The following KHDRBS2 variants were observed in gnomAD, a reference collection of about 807,000 sequenced individuals.
KHDRBS2 encodes the protein KH domain-containing, RNA-binding, signal transduction-associated protein 2.
In KHDRBS2, 26 loss-of-function variants were observed where a neutral mutation model predicts 44.3. The ratio of observed to expected loss-of-function variants is 0.59; its 90% CI spans 0.43 to 0.81. The LOEUF (loss-of-function observed/expected upper bound fraction) is 0.81. Among genes scored for constraint, KHDRBS2 ranks in the 40% least tolerant of loss-of-function variants. The pLI, the probability that KHDRBS2 is intolerant of heterozygous loss-of-function variation, is 0.00. For missense variants in KHDRBS2, 476 were observed against 433.1 expected, an observed-to-expected ratio of 1.10 and a Z score of -0.88; for synonymous variants, 194 against 151.1, an observed-to-expected ratio of 1.28 and a Z score of -2.08.
intron 6 of KHDRBS2, among the ~76,000 whole-genome samples, chr6:61,872,964 G>A (rs1447831437): frequency 1.3e-5 from 2 of 152,010 alleles, no homozygotes; most frequent in Non-Finnish European, 2.9e-5. Flanking sequence ...TGATAAAACT[G>A]GTTATCCATG....
intron 2 of KHDRBS2, among the ~76,000 whole-genome samples, chr6:62,164,110 G>T (rs1238027430): frequency 6.6e-6 from 1 of 151,424 alleles, no homozygotes; most frequent in Non-Finnish European, 1.5e-5. Context: ...TCATGTCTGG[G>T]GTTAAATTTT....
chr6:61,725,053 A>G (rs1405453126), intron 7 of KHDRBS2, among the ~76,000 whole-genome samples: 1 of 152,154 alleles, frequency 6.6e-6, no homozygotes, highest in East Asian at 1.9e-4. Context: ...TTGAGCACAT[A>G]ATCAAGTAAA....
chr6:61,755,792 T>G (rs1355179006), intron 6 of KHDRBS2, among the ~76,000 whole-genome samples: 1 of 135,714 alleles, frequency 7.4e-6, no homozygotes, highest in Non-Finnish European at 1.6e-5. Flanking sequence ...AGGGCAAGAC[T>G]CTGTCTCAAA....
intron 4 of KHDRBS2, among the ~76,000 whole-genome samples, chr6:61,970,501 C>T (rs1283601583): frequency 2.6e-5 from 4 of 152,058 alleles, no homozygotes; most frequent in African/African-American, 9.7e-5. Context: ...AGAAAGCTCA[C>T]ATGCAACACT....
At chr6:62,212,015 A>G (rs1054429653) in intron 1 of KHDRBS2, among the ~76,000 whole-genome samples, 1 of 152,188 alleles carries the variant, frequency 6.6e-6, no homozygotes, top group African/African-American at 2.4e-5. Flanking sequence ...AGGTACATGG[A>G]TGGAGCTGGA....
chr6:62,112,690 C>A (rs547781034), intron 2 of KHDRBS2, among the ~76,000 whole-genome samples: 4 of 152,166 alleles, frequency 2.6e-5, no homozygotes, highest in East Asian at 1.9e-4. Context: ...TATTTGGTAA[C>A]CTTCCTCTGA....
chr6:61,568,650 C>T, the KHDRBS2 span, among the ~76,000 whole-genome samples: 1 of 152,108 alleles, frequency 6.6e-6, no homozygotes, highest in Non-Finnish European at 1.5e-5. Context: ...ATCTGAAAAT[C>T]CACATCACAG....
At chr6:61,917,967 A>AAT (rs1807328828) in intron 4 of KHDRBS2, among the ~76,000 whole-genome samples, 1 of 151,998 alleles carries the variant, frequency 6.6e-6, no homozygotes. Flanking sequence ...GAAGATATTG[A>AAT]AGGCTCCTCC....
intron 2 of KHDRBS2, among the ~76,000 whole-genome samples, chr6:62,082,223 A>G (rs952288263): frequency 2.0e-5 from 3 of 152,064 alleles, no homozygotes; most frequent in Non-Finnish European, 2.9e-5. Context: ...AGGAAACAAA[A>G]TGATTAAAGA....
the KHDRBS2 span, among the ~76,000 whole-genome samples, chr6:61,671,607 G>A: frequency 6.6e-6 from 1 of 151,480 alleles, no homozygotes; most frequent in Non-Finnish European, 1.5e-5. Flanking sequence ...TGATGGATTT[G>A]GAAAACTGGT....
At chr6:61,631,424 G>C in the KHDRBS2 span, among the ~76,000 whole-genome samples, 1 of 151,974 alleles carries the variant, frequency 6.6e-6, no homozygotes, top group East Asian at 1.9e-4. Context: ...AGGAGCAAGG[G>C]GGAAGGGTTA....
At chr6:61,733,221 A>C (rs891042887) in intron 6 of KHDRBS2, among the ~76,000 whole-genome samples, 3 of 152,134 alleles carry the variant, frequency 2.0e-5, no homozygotes, top group African/African-American at 7.2e-5. Context: ...TTCAGTAAAA[A>C]TTATGGAGTC....
chr6:62,038,633 T>G (rs930720847), intron 3 of KHDRBS2, among the ~76,000 whole-genome samples: 1 of 152,078 alleles, frequency 6.6e-6, no homozygotes, highest in Non-Finnish European at 1.5e-5. Context: ...TTGAGTTAAG[T>G]GCAGAATTTT....
At chr6:61,693,642 A>G (rs1266364275) in intron 8 of KHDRBS2, among the ~76,000 whole-genome samples, 2 of 152,158 alleles carry the variant, frequency 1.3e-5, no homozygotes, top group Non-Finnish European at 2.9e-5. Flanking sequence ...TTTCCTTATT[A>G]CTTTATTATG....
At chr6:61,766,744 T>G (rs1367375404) in intron 6 of KHDRBS2, among the ~76,000 whole-genome samples, 1 of 152,144 alleles carries the variant, frequency 6.6e-6, no homozygotes, top group Non-Finnish European at 1.5e-5. Flanking sequence ...AGTATATTGT[T>G]TAATTTCCAT....
chr6:61,659,666 T>C, the KHDRBS2 span, among the ~76,000 whole-genome samples: 3 of 151,720 alleles, frequency 2.0e-5, no homozygotes, highest in Non-Finnish European at 2.9e-5. Flanking sequence ...ACAGTCCTTA[T>C]AAAAATATAG....
At chr6:61,805,622 T>C (rs761678798) in intron 6 of KHDRBS2, among the ~76,000 whole-genome samples, 9 of 152,136 alleles carry the variant, frequency 5.9e-5, no homozygotes, top group Admixed American at 2.0e-4. Flanking sequence ...TTCTGCATGA[T>C]TGGGAGGCCT....
chr6:61,896,099 A>G (rs918738343), intron 5 of KHDRBS2, among the ~76,000 whole-genome samples: 2 of 152,134 alleles, frequency 1.3e-5, no homozygotes, highest in Non-Finnish European at 2.9e-5. Flanking sequence ...ATGGCTAAGA[A>G]TACAGTATTC....
At chr6:62,263,070 A>G (rs112210048) in intron 1 of KHDRBS2, among the ~76,000 whole-genome samples, 194 of 151,850 alleles carry the variant, frequency 1.3e-3, no homozygotes, top group African/African-American at 3.7e-3. Flanking sequence ...ATACACTGCC[A>G]TATATTGTGT....
Sources: gnomAD v4.1 joint callset for allele counts (sites outside exome capture counted in the v4.1 genomes callset) on GRCh38, gnomAD v4.1.1 for gene constraint, MANE v1.5 for transcripts, NCBI Gene and HGNC (gene_info 2026-07-23, HGNC 2026-07-21) for gene names.